Variants in RPS6KC1 observed in about 807,000 individuals in gnomAD.
RPS6KC1 encodes inactive ribosomal protein S6 kinase delta-1.
Under a neutral mutation model 103.8 loss-of-function variants are expected in RPS6KC1, and 54 were observed. The observed-to-expected ratio is 0.52, with a 90% CI of 0.42 to 0.65. The LOEUF (loss-of-function observed/expected upper bound fraction) is 0.65, where lower values mean the gene tolerates loss of function less well. RPS6KC1 is among the 30% of genes least tolerant of loss of function. The pLI, the probability that RPS6KC1 is intolerant of heterozygous loss-of-function variation, is 0.00. For missense variants in RPS6KC1, 1,151 were observed against 1,253.8 expected (o/e 0.92, Z 1.24); for synonymous variants, 439 against 438.7 (o/e 1.00, Z -0.01).
At chr1:213,147,039 G>T (rs942423703) in intron 6 of RPS6KC1, among the ~76,000 whole-genome samples, 2 of 152,006 alleles carry the variant, frequency 1.3e-5, no homozygotes, top group Admixed American at 6.5e-5. Context: ...TTTTTGATTG[G>T]ATTATTAGAT....
the RPS6KC1 span, among the ~76,000 whole-genome samples, chr1:213,636,548 AAC>A: frequency 1.3e-5 from 2 of 152,182 alleles, no homozygotes; most frequent in African/African-American, 4.8e-5. Context: ...GTGCTGGGAG[AAC>A]TGGCTAGCCA....
At chr1:213,703,535 G>A in the RPS6KC1 span, among the ~76,000 whole-genome samples, 1 of 152,088 alleles carries the variant, frequency 6.6e-6, no homozygotes, top group Non-Finnish European at 1.5e-5. Context: ...GGACATGTCT[G>A]GTGTTGATGA....
chr1:213,773,619 T>C, the RPS6KC1 span, among the ~76,000 whole-genome samples: 1 of 151,764 alleles, frequency 6.6e-6, no homozygotes, highest in African/African-American at 2.4e-5. Flanking sequence ...AATTGCATTT[T>C]ATGTTTGTGG....
chr1:213,773,079 G>A, the RPS6KC1 span, among the ~76,000 whole-genome samples: 2 of 152,150 alleles, frequency 1.3e-5, no homozygotes, highest in Non-Finnish European at 2.9e-5. Flanking sequence ...GATCAGCAGG[G>A]CCTCTCTCCA....
chr1:213,327,243 A>G, the RPS6KC1 span, among the ~76,000 whole-genome samples: 44 of 151,646 alleles, frequency 2.9e-4, no homozygotes, highest in African/African-American at 9.9e-4. Context: ...AAGAAAAGAA[A>G]GAAAGAAAGA....
At chr1:213,051,601 C>CAGAGCCGAGGGT in intron 1 of RPS6KC1, 92 bp downstream of exon 1, 1 of 928,446 alleles carries the variant, frequency 1.1e-6, no homozygotes, top group Non-Finnish European at 1.7e-6. Context: ...GACTCTGGCT[C>CAGAGCCGAGGGT]AGAGCCGAGG....
At chr1:213,589,032 G>A in the RPS6KC1 span, among the ~76,000 whole-genome samples, 257 of 152,292 alleles carry the variant, frequency 1.7e-3, 1 homozygote, top group Admixed American at 0.013. Flanking sequence ...TAGAGCAGAG[G>A]AGAGAGGCAG....
the RPS6KC1 span, among the ~76,000 whole-genome samples, chr1:213,629,664 G>A: frequency 6.6e-6 from 1 of 152,172 alleles, no homozygotes; most frequent in African/African-American, 2.4e-5. Flanking sequence ...AGTTGATGCA[G>A]TTTCTTCCTA....
intron 8 of RPS6KC1, among the ~76,000 whole-genome samples, chr1:213,188,154 G>C (rs894540850): frequency 1.3e-5 from 2 of 152,132 alleles, no homozygotes; most frequent in African/African-American, 4.8e-5. Flanking sequence ...CTTTGTCTCT[G>C]CCTGTCCTCA....
chr1:213,518,346 C>T, the RPS6KC1 span, among the ~76,000 whole-genome samples: 4 of 152,136 alleles, frequency 2.6e-5, no homozygotes, highest in Non-Finnish European at 5.9e-5. Context: ...CAATAACAAT[C>T]ATCTTCATAA....
intron 3 of RPS6KC1, among the ~76,000 whole-genome samples, chr1:213,083,893 G>C (rs1418613742): frequency 6.6e-6 from 1 of 152,152 alleles, no homozygotes; most frequent in African/African-American, 2.4e-5. Context: ...CTTCCATCTT[G>C]TGTGCTCATG....
chr1:213,611,300 G>C, the RPS6KC1 span, among the ~76,000 whole-genome samples: 2 of 152,072 alleles, frequency 1.3e-5, no homozygotes, highest in Admixed American at 6.5e-5. Context: ...AATTTCTTCT[G>C]TCTTCTTCTT....
At chr1:213,255,151 A>T (rs116638682) in intron 12 of RPS6KC1, among the ~76,000 whole-genome samples, 1 of 151,812 alleles carries the variant, frequency 6.6e-6, no homozygotes, top group Non-Finnish European at 1.5e-5. Flanking sequence ...AAATAGAAAT[A>T]AAAAAATTAG....
chr1:213,205,248 A>G, intron 8 of RPS6KC1: 1 of 985,092 alleles, frequency 1.0e-6, no homozygotes, highest in Non-Finnish European at 1.2e-6. Context: ...GTACACAGCC[A>G]TGGTGAGACA....
At chr1:213,474,715 C>T in the RPS6KC1 span, among the ~76,000 whole-genome samples, 1 of 152,080 alleles carries the variant, frequency 6.6e-6, no homozygotes, top group Non-Finnish European at 1.5e-5. Flanking sequence ...TGAACAGGCT[C>T]TTAGGCTCGG....
chr1:213,278,220 C>T (rs1034389544), downstream of RPS6KC1, among the ~76,000 whole-genome samples: 1 of 151,370 alleles, frequency 6.6e-6, no homozygotes, highest in South Asian at 2.1e-4. Flanking sequence ...AAAAAAAAAT[C>T]TTCCTAAAGT....
In RPS6KC1 at chr1:213,058,230, T is replaced by C. The variant is rs77505553; in HGVS notation, c.105+6721T>C. ...GTAGCTAGGACTACAGGTATGCCAC[T>C]GCACCCAGACAGTGTTTTTGCAAAG... On this transcript the variant is annotated intron_variant, in intron 1 of 14. Transcript: ENST00000366960. Among the ~76,000 whole-genome samples the C allele has an allele frequency of 3.1e-3, 477 of 152,056 alleles. 4 individuals are homozygous for C. Among genetic ancestry groups the C allele is most frequent in the African/African-American group, 0.011 (442 of 41,490 alleles).
the RPS6KC1 span, among the ~76,000 whole-genome samples, chr1:213,809,019 C>G: frequency 6.6e-6 from 1 of 152,214 alleles, no homozygotes; most frequent in Non-Finnish European, 1.5e-5. Context: ...CACAACTTCT[C>G]TTAACTGTTT....
At chr1:213,487,901 G>A in the RPS6KC1 span, among the ~76,000 whole-genome samples, 2 of 152,104 alleles carry the variant, frequency 1.3e-5, no homozygotes. Flanking sequence ...TCATTCTGCT[G>A]CCCTTCTCCC....
Sources: gnomAD v4.1 joint callset for allele counts (sites outside exome capture counted in the v4.1 genomes callset) on GRCh38, gnomAD v4.1.1 for gene constraint, MANE v1.5 for transcripts, NCBI Gene and HGNC (gene_info 2026-07-23, HGNC 2026-07-21) for gene names.